The following MEGF10 variants were observed in gnomAD, a reference collection of about 807,000 sequenced individuals.
The protein encoded by MEGF10 is multiple EGF like domains 10.
Under a neutral mutation model 147.5 loss-of-function variants are expected in MEGF10, and 86 were observed. That is an observed-to-expected ratio of 0.58 (90% CI 0.49 to 0.70). MEGF10 has a LOEUF of 0.70. MEGF10 is among the 30% of genes least tolerant of loss of function. The pLI is 0.00. For missense variants in MEGF10, 1,329 were observed against 1,487.3 expected, an observed-to-expected ratio of 0.89 and a Z score of 1.75; for synonymous variants, 478 against 525.5, an observed-to-expected ratio of 0.91 and a Z score of 1.24.
At chr5:127,311,418 A>G (rs1331845831) in intron 1 of MEGF10, among the ~76,000 whole-genome samples, 1 of 152,192 alleles carries the variant, frequency 6.6e-6, no homozygotes, top group Non-Finnish European at 1.5e-5. Flanking sequence ...TTTTCTCATT[A>G]CTTATGTCAC....
At position 127,410,473 on chromosome 5, in the gene MEGF10, CGTGAGCGGCG is replaced by C; in HGVS notation, c.1003_1012del (p.Val335HisfsTer87). The C allele has an allele frequency of 6.2e-7, 1 of 1,614,196 alleles. No homozygotes were observed. Among genetic ancestry groups the C allele is most frequent in the Non-Finnish European group, 8.5e-7 (1 of 1,180,048 alleles). The stretch of plus-strand genomic sequence containing the variant: ...GTGTCAACGGAGGGAAGTGTTACCA[CGTGAGCGGCG>C]CATGCCTCTGTGAAGCAGGCTTTGC... On this transcript the variant is annotated frameshift_variant, in exon 9 of 25. Coordinates refer to ENST00000503335, the MANE Select transcript of MEGF10 (RefSeq NM_001256545.2). LOFTEE classifies it high-confidence loss of function.
chr5:127,243,453 C>T, the MEGF10 span, among the ~76,000 whole-genome samples: 1,448 of 152,242 alleles, frequency 9.5e-3, 18 homozygotes, highest in African/African-American at 0.031. Context: ...TTTCCTATTT[C>T]TCTGTAAGGA....
intron 5 of MEGF10, among the ~76,000 whole-genome samples, chr5:127,373,456 G>T (rs1762918375): frequency 1.3e-5 from 2 of 152,160 alleles, no homozygotes; most frequent in Non-Finnish European, 2.9e-5. Flanking sequence ...CCAACCCATT[G>T]TGTCCCTTTG....
intron 13 of MEGF10, among the ~76,000 whole-genome samples, chr5:127,431,425 A>T (rs949835602): frequency 4.6e-5 from 7 of 152,220 alleles, no homozygotes; most frequent in African/African-American, 1.7e-4. Context: ...GTGATTTGGC[A>T]AGTAGTTGAT....
chr5:127,361,298 A>G (rs1762462885), intron 4 of MEGF10, among the ~76,000 whole-genome samples: 1 of 151,946 alleles, frequency 6.6e-6, no homozygotes, highest in South Asian at 2.1e-4. Context: ...CATCTAGGTT[A>G]TCAAATTTAT....
At chr5:127,293,747 G>GA (rs1759368624) in intron 1 of MEGF10, among the ~76,000 whole-genome samples, 1 of 152,184 alleles carries the variant, frequency 6.6e-6, no homozygotes, top group Non-Finnish European at 1.5e-5. Flanking sequence ...GGTGCATGTT[G>GA]AAAATATAGA....
chr5:127,435,489 C>T lies in MEGF10; in HGVS notation c.2104C>T (p.Pro702Ser), dbSNP rs145440199. 5.0e-6 allele frequency: 8 copies of T among 1,612,044 alleles called. No homozygotes were observed. In the Admixed American group the frequency reaches 5.0e-5, roughly 10 times the overall value. ...PGWIGSDCSQ[P>S]CPPAHWGPNC... ...TTGGATTGGCAGTGACTGCTCTCAACGTAAGTCTTGTTTGAGAACAATTAA... is the reference window on the plus strand; with the variant it reads ...TTGGATTGGCAGTGACTGCTCTCAATGTAAGTCTTGTTTGAGAACAATTAA... Residue 702 changes from proline (P) to serine (S), a missense_variant and splice_region_variant, in exon 16 of 25, where the codon CCA becomes TCA. Physicochemically the swap from Pro to Ser is moderately conservative, Grantham distance 74. Transcript: ENST00000503335.
chr5:127,306,258 G>A (rs998884831), intron 1 of MEGF10, among the ~76,000 whole-genome samples: 4 of 152,152 alleles, frequency 2.6e-5, no homozygotes, highest in South Asian at 4.1e-4. Flanking sequence ...GTGGCTGACT[G>A]TGCCCTCTCT....
chr5:127,341,360 G>C (rs1375887268), intron 4 of MEGF10, among the ~76,000 whole-genome samples: 2 of 152,136 alleles, frequency 1.3e-5, no homozygotes, highest in African/African-American at 2.4e-5. Context: ...GGACAGCTCT[G>C]CTTTCTGAGT....
chr5:127,252,039 G>T, the MEGF10 span, among the ~76,000 whole-genome samples: 1 of 151,860 alleles, frequency 6.6e-6, no homozygotes, highest in African/African-American at 2.4e-5. Flanking sequence ...TTGGTAATCA[G>T]ATAAATGTAA....
At chr5:127,376,890 A>G (rs1022930830) in intron 5 of MEGF10, among the ~76,000 whole-genome samples, 3 of 152,186 alleles carry the variant, frequency 2.0e-5, no homozygotes. Context: ...AGTAACTTTA[A>G]TCACCGTGGT....
At chr5:127,393,517 A>G (rs1271093758) in intron 5 of MEGF10, among the ~76,000 whole-genome samples, 1 of 152,196 alleles carries the variant, frequency 6.6e-6, no homozygotes, top group Non-Finnish European at 1.5e-5. Flanking sequence ...TCTGTGTCCT[A>G]CTTGTTCTTA....
intron 22 of MEGF10, among the ~76,000 whole-genome samples, chr5:127,454,224 C>T (rs543530532): frequency 4.6e-5 from 7 of 152,328 alleles, no homozygotes; most frequent in South Asian, 2.1e-4. Flanking sequence ...AAGAGCTGCA[C>T]GTAGGTATGA....
chr5:127,246,091 A>C, the MEGF10 span, among the ~76,000 whole-genome samples: 1 of 152,176 alleles, frequency 6.6e-6, no homozygotes, highest in African/African-American at 2.4e-5. Context: ...TTGACCCAGC[A>C]ATCCCATTAC....
intron 5 of MEGF10, among the ~76,000 whole-genome samples, chr5:127,393,501 C>T (rs17763): frequency 0.011 from 1,660 of 152,286 alleles, 36 homozygotes; most frequent in African/African-American, 0.038. Context: ...GAATTCAACC[C>T]AGGTTTCTGT....
intron 3 of MEGF10, 79 bp downstream of exon 3, chr5:127,339,300 A>C (rs1264571120): frequency 5.1e-6 from 5 of 972,988 alleles, no homozygotes; most frequent in Non-Finnish European, 8.1e-6. Flanking sequence ...TGACAGCAGA[A>C]AGTGCATCCA....
chr5:127,330,899 G>A (rs558351815), intron 1 of MEGF10, among the ~76,000 whole-genome samples: 2 of 152,188 alleles, frequency 1.3e-5, no homozygotes, highest in Admixed American at 1.3e-4. Flanking sequence ...TTATTTTCTA[G>A]AACAAATGAG....
rs1761583397 is a variant in MEGF10 at position 127,339,208 on chromosome 5, T to C, written c.205T>C (p.Cys69Arg). ...SCTDILNWFK[C>R]TRHRVSYRTA... ...CACTGACATTCTAAACTGGTTTAAA[T>C]GCACGCGGCACAGGTAATAGAAGCT... Residue 69 changes from cysteine to arginine, a missense_variant, in exon 3 of 25, where the codon TGC becomes CGC. Coordinates refer to ENST00000503335, the MANE Select transcript of MEGF10 (RefSeq NM_001256545.2). 1.2e-6 allele frequency: 2 copies of C among 1,611,308 alleles called. No homozygotes were observed. Among genetic ancestry groups the C allele is most frequent in the African/African-American group, 1.3e-5 (1 of 74,832 alleles).
At chr5:127,241,932 A>G in the MEGF10 span, among the ~76,000 whole-genome samples, 2 of 152,004 alleles carry the variant, frequency 1.3e-5, no homozygotes, top group East Asian at 1.9e-4. Flanking sequence ...TTGGGTCCCT[A>G]TGGTATGGTG....
Sources: allele counts gnomAD v4.1 joint callset (sites outside exome capture counted in the v4.1 genomes callset), GRCh38; gene constraint gnomAD v4.1.1; transcripts MANE v1.5; gene names NCBI Gene and HGNC (gene_info 2026-07-23, HGNC 2026-07-21).